SNAP29: variants seen among roughly 807,000 people sequenced by gnomAD.
SNAP29 encodes the protein synaptosomal-associated protein 29.
Under a neutral mutation model 27.9 loss-of-function variants are expected in SNAP29, and 13 were observed. That is an observed-to-expected ratio of 0.47 (90% confidence interval 0.30 to 0.74). SNAP29 has a LOEUF of 0.74. Ranked by LOEUF, SNAP29 falls within the 30% of genes least tolerant of loss-of-function variation. SNAP29 has a pLI of 0.06. For synonymous variants in SNAP29, 119 were observed against 127.1 expected (o/e 0.94, Z 0.43); for missense variants, 368 against 336.5 (o/e 1.09, Z -0.73).
At chr22:20,860,675 T>C (rs1282065181) in intron 1 of SNAP29, among the ~76,000 whole-genome samples, 3 of 152,026 alleles carry the variant, frequency 2.0e-5, no homozygotes, top group African/African-American at 7.2e-5. Context: ...CGGTCGAGAA[T>C]GATTCTTTAT....
intron 4 of SNAP29, among the ~76,000 whole-genome samples, chr22:20,886,873 A>G (rs950425999): frequency 2.6e-5 from 4 of 151,960 alleles, no homozygotes; most frequent in Non-Finnish European, 4.4e-5. Context: ...TCAGCCTCTC[A>G]AAGTGCTGGG....
intron 2 of SNAP29, among the ~76,000 whole-genome samples, chr22:20,874,110 C>T (rs1217558124): frequency 1.3e-5 from 2 of 150,444 alleles, no homozygotes; most frequent in African/African-American, 4.9e-5. Flanking sequence ...CCCGTCTCTA[C>T]TAAAAATACA....
chr22:20,863,220 A>T (rs768971460), intron 1 of SNAP29, among the ~76,000 whole-genome samples: 82 of 152,082 alleles, frequency 5.4e-4, no homozygotes, highest in Non-Finnish European at 9.4e-4. Flanking sequence ...TGGTGTTGGG[A>T]TGGGAACAGA....
intron 4 of SNAP29, among the ~76,000 whole-genome samples, chr22:20,886,806 T>A (rs935435064): frequency 1.3e-5 from 2 of 150,646 alleles, no homozygotes; most frequent in Non-Finnish European, 3.0e-5. Context: ...AGAGATGGGG[T>A]TTCACCATGT....
intron 2 of SNAP29, among the ~76,000 whole-genome samples, chr22:20,879,101 A>G (rs1928822292): frequency 6.6e-6 from 1 of 151,950 alleles, no homozygotes; most frequent in South Asian, 2.1e-4. Flanking sequence ...AGGTCAGGAG[A>G]TCGAGACCAT....
In SNAP29 at chr22:20,887,224, C is replaced by CAA. The variant is rs947412288; in HGVS notation, c.620-442_620-441dup. On this transcript the variant is annotated intron_variant, in intron 4 of 4. Coordinates refer to ENST00000215730, the MANE Select transcript of SNAP29 (RefSeq NM_004782.4). ...TGGACAAAAGAGCAAAATGCTGTCT[C>CAA]AAAAAAAAAAAAAACAAAAAACTGA... 8.8e-3 allele frequency among the ~76,000 whole-genome samples: 923 copies of CAA among 104,584 alleles called. 5 individuals are homozygous for CAA. Among genetic ancestry groups the CAA allele is most frequent in the Non-Finnish European group, 0.015 (735 of 49,324 alleles). 68.6% of individuals were successfully genotyped at this position (104,584 alleles called of 152,430 possible). A position where few individuals can be genotyped will look rare whatever the true frequency, so the allele number is the denominator to read the frequency against.
chr22:20,860,073 C>T (rs1168492140), intron 1 of SNAP29, among the ~76,000 whole-genome samples: 1 of 152,010 alleles, frequency 6.6e-6, no homozygotes, highest in East Asian at 1.9e-4. Context: ...TTATTCTGGC[C>T]GAGCGCAGTG....
At chr22:20,882,486 G>A (rs1275777233) in intron 3 of SNAP29, among the ~76,000 whole-genome samples, 3 of 152,096 alleles carry the variant, frequency 2.0e-5, no homozygotes, top group Non-Finnish European at 2.9e-5. Context: ...TCAAGAAAAC[G>A]ATACACCATG....
intron 2 of SNAP29, among the ~76,000 whole-genome samples, chr22:20,876,934 C>T (rs1275386035): frequency 6.6e-6 from 1 of 152,204 alleles, no homozygotes; most frequent in Admixed American, 6.5e-5. Flanking sequence ...AGTTTTGTCT[C>T]TTGGGAAGCC....
intron 2 of SNAP29, among the ~76,000 whole-genome samples, chr22:20,878,325 A>G (rs1203264735): frequency 2.0e-5 from 3 of 152,074 alleles, no homozygotes; most frequent in Non-Finnish European, 4.4e-5. Context: ...GCAGATCATG[A>G]GGTCAGGAGA....
chr22:20,870,336 G>T lies in SNAP29; in HGVS notation c.238-1G>T. 6.2e-7 allele frequency: 1 copy of T among 1,614,144 alleles called. No homozygotes were observed. The highest frequency in any genetic ancestry group is 8.5e-7 in the Non-Finnish European group (1 of 1,180,000). On this transcript the variant is annotated splice_acceptor_variant, in intron 1 of 4. Coordinates refer to ENST00000215730, the MANE Select transcript of SNAP29 (RefSeq NM_004782.4). LOFTEE classifies it high-confidence loss of function. ...ATGCCACTGCCTCTCGGTTTCCCCA[G>T]GAGCTCGCCCGTCAGCGAGGAGTCC...
At chr22:20,874,351 A>C (rs13058623) in intron 2 of SNAP29, among the ~76,000 whole-genome samples, 303 of 1,406 alleles carry the variant, frequency 0.22, 14 homozygotes, top group Middle Eastern at 0.5. Flanking sequence ...AAAATTAGCC[A>C]CACACACACA....
chr22:20,859,464 G>A, intron 1 of SNAP29, 117 bp downstream of exon 1: 1 of 797,268 alleles, frequency 1.3e-6, no homozygotes, highest in South Asian at 1.4e-5. Context: ...ATAGATTCTT[G>A]CACCTTAGTG....
intron 1 of SNAP29, among the ~76,000 whole-genome samples, chr22:20,861,778 G>A (rs532310261): frequency 2.6e-4 from 40 of 152,254 alleles, no homozygotes; most frequent in African/African-American, 9.1e-4. Flanking sequence ...GGGCTTACAG[G>A]CACCCGCCGC....
intron 1 of SNAP29, among the ~76,000 whole-genome samples, chr22:20,869,566 G>C (rs1462403911): frequency 1.3e-5 from 2 of 152,170 alleles, no homozygotes; most frequent in Non-Finnish European, 2.9e-5. Flanking sequence ...AATAGAATTT[G>C]AGGATTTGAC....
chr22:20,881,201 G>A, intron 3 of SNAP29, 67 bp downstream of exon 3: 1 of 1,133,320 alleles, frequency 8.8e-7, no homozygotes, highest in East Asian at 2.5e-5. Flanking sequence ...TTTGGCGTTG[G>A]TCCTTGGGGG....
At chr22:20,864,933 CAT>C (rs1928421383) in intron 1 of SNAP29, among the ~76,000 whole-genome samples, 1 of 152,228 alleles carries the variant, frequency 6.6e-6, no homozygotes, top group African/African-American at 2.4e-5. Flanking sequence ...CATCCCAACA[CAT>C]GTCAGGCTGT....
In SNAP29 at chr22:20,870,490, C is replaced by G. The variant is rs1344275689; in HGVS notation, c.391C>G (p.Pro131Ala). The G allele has an allele frequency of 5.0e-6, 8 of 1,614,050 alleles. No homozygotes were observed. Among genetic ancestry groups the G allele is most frequent in the African/African-American group, 2.7e-5 (2 of 74,910 alleles). The stretch of plus-strand genomic sequence containing the variant: ...CTTCAAATCCAAACCAGTAGAGACC[C>G]CACCTGAACAGAATGGCACCCTCAC... Reference protein sequence around the residue: ...NYFKSKPVETPPEQNGTLTSQ... With the variant: ...NYFKSKPVETAPEQNGTLTSQ... Residue 131 changes from proline to alanine, a missense_variant, in exon 2 of 5, where the codon CCA becomes GCA. Physicochemically the swap from Pro to Ala is conservative, Grantham distance 27. Transcript: ENST00000215730.
Position 20,880,375 on chromosome 22 carries a change from A to G in SNAP29, c.435-674A>G, listed in dbSNP as rs114363774. Reference sequence around the variant, plus strand: ...TAGCTGGGGATGGTGGCACCTGCCTATAACTGTAATATCCCAGCTACTCGG... The same window carrying G: ...TAGCTGGGGATGGTGGCACCTGCCTGTAACTGTAATATCCCAGCTACTCGG... On this transcript the variant is annotated intron_variant, in intron 2 of 4. Transcript: ENST00000215730. Among the ~76,000 whole-genome samples, 370 of 152,018 alleles carry G rather than the reference A, an allele frequency of 2.4e-3. 1 individual carries two copies. Among genetic ancestry groups the G allele is most frequent in the African/African-American group, 8.5e-3 (353 of 41,466 alleles).
Sources: allele counts gnomAD v4.1 joint callset (sites outside exome capture counted in the v4.1 genomes callset), GRCh38; gene constraint gnomAD v4.1.1; transcripts MANE v1.5; gene names NCBI Gene and HGNC (gene_info 2026-07-23, HGNC 2026-07-21).